ZNF83: variants seen among roughly 807,000 people sequenced by gnomAD.
ZNF83 encodes zinc finger protein 83, also known as zinc finger protein 816B.
For synonymous variants in ZNF83, 209 were observed against 213.0 expected (o/e 0.98, Z 0.17); for missense variants, 552 against 629.9 (o/e 0.88, Z 1.32).
exon 3 of ZNF83, chr19:52,614,176 A>C (rs1229102630): frequency 6.2e-7 from 1 of 1,614,092 alleles, no homozygotes; most frequent in Non-Finnish European, 8.5e-7. Context: ...TTTTTTATTG[A>C]AGATCTTGCC....
chr19:52,654,801 G>A (rs1370263163), intron 3 of ZNF83: 1 of 154,726 alleles, frequency 6.5e-6, no homozygotes, highest in African/African-American at 2.4e-5. Flanking sequence ...CTACAGCAGT[G>A]ACTGCTGTTT....
chr19:52,670,145 T>G (rs2061704765), intron 1 of ZNF83, among the ~76,000 whole-genome samples: 2 of 152,054 alleles, frequency 1.3e-5, no homozygotes, highest in South Asian at 4.2e-4. Flanking sequence ...TCTGATCACC[T>G]GCTCCACCCT....
intron 1 of ZNF83, among the ~76,000 whole-genome samples, chr19:52,676,621 A>T (rs2061813792): frequency 6.7e-6 from 1 of 149,636 alleles, no homozygotes; most frequent in Non-Finnish European, 1.5e-5. Flanking sequence ...CCCGTCTGGG[A>T]GGTGTGCCCA....
chr19:52,612,922 C>G, exon 3 of ZNF83: 3 of 1,108,840 alleles, frequency 2.7e-6, no homozygotes, highest in South Asian at 1.6e-5. Context: ...ACTAAAGGCT[C>G]TGCTACATTC....
intron 1 of ZNF83, among the ~76,000 whole-genome samples, chr19:52,663,484 T>G (rs61461939): frequency 9.2e-5 from 14 of 152,078 alleles, no homozygotes; most frequent in Non-Finnish European, 2.1e-4. Flanking sequence ...CCAGAGGAAC[T>G]TGAGGAAAAT....
intron 3 of ZNF83, among the ~76,000 whole-genome samples, chr19:52,649,653 A>G (rs1312596085): frequency 6.6e-6 from 1 of 152,120 alleles, no homozygotes; most frequent in African/African-American, 2.4e-5. Context: ...AGCCCTAAAA[A>G]CTTTCTAAAA....
chr19:52,672,763 T>A (rs1173431490), intron 1 of ZNF83, among the ~76,000 whole-genome samples: 1 of 152,078 alleles, frequency 6.6e-6, no homozygotes, highest in Non-Finnish European at 1.5e-5. Context: ...TCATGCTGGG[T>A]TAATTTTTGT....
chr19:52,618,052 A>G (rs1307819435), intron 2 of ZNF83: 1 of 152,208 alleles, frequency 6.6e-6, no homozygotes, highest in Non-Finnish European at 1.5e-5. Context: ...GGAGTAGCAA[A>G]TAGGGAACTG....
chr19:52,617,038 T>C (rs1222163086), intron 2 of ZNF83: 1 of 150,406 alleles, frequency 6.6e-6, no homozygotes. Flanking sequence ...TATCAGGGGG[T>C]AGGGGGCAAG....
At chr19:52,665,772 G>A (rs1242574154) in intron 1 of ZNF83, among the ~76,000 whole-genome samples, 2 of 152,038 alleles carry the variant, frequency 1.3e-5, no homozygotes, top group Non-Finnish European at 2.9e-5. Flanking sequence ...CAGCAGCAGG[G>A]GCCTCATGCG....
chr19:52,646,657 T>A (rs927582163), intron 3 of ZNF83, among the ~76,000 whole-genome samples: 4 of 152,148 alleles, frequency 2.6e-5, no homozygotes, highest in Non-Finnish European at 5.9e-5. Flanking sequence ...GATAGTAACA[T>A]GAAAGGCCAT....
intron 1 of ZNF83, among the ~76,000 whole-genome samples, chr19:52,661,627 T>C (rs1259951795): frequency 1.3e-5 from 2 of 152,152 alleles, no homozygotes; most frequent in Admixed American, 6.5e-5. Context: ...AGAAACCTAA[T>C]GTGAAGTCAG....
intron 3 of ZNF83, among the ~76,000 whole-genome samples, chr19:52,648,332 A>G (rs2061400378): frequency 6.6e-6 from 1 of 152,178 alleles, no homozygotes; most frequent in Non-Finnish European, 1.5e-5. Flanking sequence ...AGAAAAAGAA[A>G]CAAGTTTTCT....
At chr19:52,671,855 A>G (rs2061731051) in intron 1 of ZNF83, among the ~76,000 whole-genome samples, 1 of 152,218 alleles carries the variant, frequency 6.6e-6, no homozygotes, top group Non-Finnish European at 1.5e-5. Flanking sequence ...TTATTTTCAT[A>G]TAGAGAAAGA....
intron 1 of ZNF83, 130 bp from the exon 2 acceptor site, chr19:52,635,283 C>T (rs574114114): frequency 3.5e-5 from 16 of 454,468 alleles, no homozygotes; most frequent in East Asian, 1.7e-4. Flanking sequence ...GCACCAGAGA[C>T]GATAAACTCC....
exon 3 of ZNF83, chr19:52,614,209 G>T (rs329940): frequency 6.2e-7 from 1 of 1,613,846 alleles, no homozygotes; most frequent in African/African-American, 1.3e-5. Context: ...TTTAAATTGC[G>T]TCTCTTTAGT....
chr19:52,637,615 TTC>T (rs982696424), intron 1 of ZNF83, among the ~76,000 whole-genome samples: 1 of 152,196 alleles, frequency 6.6e-6, no homozygotes, highest in Admixed American at 6.5e-5. Flanking sequence ...TCTCATTCTT[TTC>T]TCTGTCTCAG....
intron 1 of ZNF83, among the ~76,000 whole-genome samples, chr19:52,687,637 A>ATATATATATATATATAATGTG (rs1568589130): frequency 5.8e-5 from 1 of 17,346 alleles, no homozygotes; most frequent in Non-Finnish European, 1.1e-4. Flanking sequence ...TATAATGTAT[A>ATATATATATATATATAATGTG]TATATATATA....
chr19:52,648,830 G>A (rs2061407813), intron 3 of ZNF83, among the ~76,000 whole-genome samples: 2 of 152,150 alleles, frequency 1.3e-5, no homozygotes, highest in Admixed American at 1.3e-4. Flanking sequence ...AGTCTGACCA[G>A]TCTATGCACA....
Sources: gnomAD v4.1 joint callset for allele counts (sites outside exome capture counted in the v4.1 genomes callset) on GRCh38, gnomAD v4.1.1 for gene constraint, MANE v1.5 for transcripts, NCBI Gene and HGNC (gene_info 2026-07-23, HGNC 2026-07-21) for gene names.